MARK1: variants seen among roughly 807,000 people sequenced by gnomAD.
MARK1 encodes the protein microtubule affinity regulating kinase 1.
MARK1 carries 40 observed loss-of-function variants against 96.3 expected under a neutral mutation model. The ratio of observed to expected loss-of-function variants is 0.42; its 90% CI spans 0.32 to 0.54. MARK1 has a LOEUF of 0.54. Among genes scored for constraint, MARK1 ranks in the 20% least tolerant of loss-of-function variants. MARK1 has a pLI of 0.16. For missense variants in MARK1, 719 were observed against 984.6 expected (o/e 0.73, Z 3.61); for synonymous variants, 317 against 341.2 (o/e 0.93, Z 0.78).
At chr1:220,547,338 A>G (rs1661571085) in intron 1 of MARK1, among the ~76,000 whole-genome samples, 1 of 152,208 alleles carries the variant, frequency 6.6e-6, no homozygotes, top group African/African-American at 2.4e-5. Context: ...CAGTGCCCAA[A>G]TAACATCCTA....
At chr1:220,652,902 C>T (rs749725992) in intron 15 of MARK1, among the ~76,000 whole-genome samples, 199 bp from the exon 16 acceptor site, 1 of 152,116 alleles carries the variant, frequency 6.6e-6, no homozygotes, top group Non-Finnish European at 1.5e-5. Flanking sequence ...TCAGTCATTT[C>T]TTGATTTTTA....
intron 13 of MARK1, among the ~76,000 whole-genome samples, chr1:220,644,455 C>G (rs1265347741): frequency 7.0e-6 from 1 of 142,266 alleles, no homozygotes; most frequent in Non-Finnish European, 1.6e-5. Context: ...TTAGACCCCC[C>G]CCCCCCCACA....
chr1:220,573,243 T>C (rs1300798452), intron 1 of MARK1, among the ~76,000 whole-genome samples: 1 of 152,184 alleles, frequency 6.6e-6, no homozygotes, highest in African/African-American at 2.4e-5. Flanking sequence ...TATTTTCTTT[T>C]ATTCCTTCTC....
At chr1:220,547,174 T>A (rs1661560674) in intron 1 of MARK1, among the ~76,000 whole-genome samples, 1 of 152,194 alleles carries the variant, frequency 6.6e-6, no homozygotes, top group Admixed American at 6.5e-5. Flanking sequence ...ATTTATTAAC[T>A]GAATAGCACT....
chr1:220,640,100 T>C (rs1668188012), intron 13 of MARK1, among the ~76,000 whole-genome samples: 1 of 152,188 alleles, frequency 6.6e-6, no homozygotes, highest in Non-Finnish European at 1.5e-5. Flanking sequence ...AGAAAGTACT[T>C]GAGCATTTAC....
At chr1:220,636,827 C>T (rs1034903170) in intron 13 of MARK1, among the ~76,000 whole-genome samples, 4 of 151,404 alleles carry the variant, frequency 2.6e-5, no homozygotes, top group East Asian at 1.9e-4. Context: ...AGCTTGAACC[C>T]GGGAGGTGGA....
At chr1:220,571,306 A>T (rs1458031977) in intron 1 of MARK1, among the ~76,000 whole-genome samples, 1 of 152,192 alleles carries the variant, frequency 6.6e-6, no homozygotes, top group Admixed American at 6.5e-5. Flanking sequence ...GTTTCATAGA[A>T]CATGGTTTAA....
chr1:220,587,277 TTTCCTTCC>T (rs1012243945), intron 3 of MARK1, among the ~76,000 whole-genome samples: 6 of 150,618 alleles, frequency 4.0e-5, no homozygotes, highest in African/African-American at 9.8e-5. Context: ...TCCTTCCTTC[TTTCCTTCC>T]TTCCTTCCTT....
intron 5 of MARK1, among the ~76,000 whole-genome samples, chr1:220,600,871 T>C (rs190263440): frequency 4.0e-5 from 6 of 150,448 alleles, no homozygotes; most frequent in African/African-American, 1.5e-4. Context: ...ATTTATACTG[T>C]CTCGTATTTC....
intron 5 of MARK1, among the ~76,000 whole-genome samples, chr1:220,601,823 A>T (rs1338512876): frequency 6.6e-6 from 1 of 151,926 alleles, no homozygotes; most frequent in African/African-American, 2.4e-5. Flanking sequence ...GGCCTTCACC[A>T]CTCTCCTTCA....
At chr1:220,598,305 A>G in intron 3 of MARK1, 26 bp from the exon 4 acceptor site, 1 of 596,784 alleles carries the variant, frequency 1.7e-6, no homozygotes, top group South Asian at 1.5e-5. Context: ...TTTAACAGAA[A>G]TATATCTACC....
chr1:220,564,692 G>C (rs773695956), intron 1 of MARK1, among the ~76,000 whole-genome samples: 9 of 152,056 alleles, frequency 5.9e-5, no homozygotes, highest in Non-Finnish European at 1.2e-4. Flanking sequence ...TATGGAAACT[G>C]TTAGTTTTTC....
intron 3 of MARK1, among the ~76,000 whole-genome samples, chr1:220,595,013 GATA>G (rs1356254258): frequency 6.6e-6 from 1 of 152,100 alleles, no homozygotes; most frequent in Non-Finnish European, 1.5e-5. Flanking sequence ...AACTTCCAGT[GATA>G]ATGATGTGTA....
intron 1 of MARK1, among the ~76,000 whole-genome samples, chr1:220,540,109 AT>A (rs1661029145): frequency 6.6e-6 from 1 of 152,208 alleles, no homozygotes; most frequent in African/African-American, 2.4e-5. Flanking sequence ...TTGTAGGTTT[AT>A]TAGGGTTCTC....
intron 3 of MARK1, among the ~76,000 whole-genome samples, chr1:220,593,434 A>G (rs1195052587): frequency 1.3e-5 from 2 of 152,240 alleles, no homozygotes; most frequent in African/African-American, 4.8e-5. Context: ...TGGTTACATT[A>G]AAACCTAGAA....
At chr1:220,579,900 G>A (rs542470516) in intron 2 of MARK1, among the ~76,000 whole-genome samples, 1 of 152,246 alleles carries the variant, frequency 6.6e-6, no homozygotes, top group Admixed American at 6.5e-5. Context: ...CTTGATATAA[G>A]TTAGGTATAA....
At chr1:220,593,189 A>G (rs777144733) in intron 3 of MARK1, among the ~76,000 whole-genome samples, 12 of 152,164 alleles carry the variant, frequency 7.9e-5, no homozygotes, top group East Asian at 3.8e-4. Context: ...CAAAATAAGT[A>G]CTGTTTGTAT....
intron 1 of MARK1, among the ~76,000 whole-genome samples, chr1:220,545,128 C>G (rs1451916300): frequency 1.3e-5 from 2 of 152,178 alleles, no homozygotes; most frequent in African/African-American, 2.4e-5. Context: ...CCAAGTGGCT[C>G]TGTGGAAAGT....
At position 220,618,286 on chromosome 1, in the gene MARK1, T is replaced by C. The variant is rs751429652; in HGVS notation, c.553-24T>C. 9.3e-5 allele frequency: 130 copies of C among 1,398,552 alleles called. No individual in the cohort carries two copies. Among genetic ancestry groups the C allele is most frequent in the Non-Finnish European group, 1.3e-4 (125 of 987,060 alleles). The allele number at this position is 1,398,552 out of a possible 1,614,324, so 86.6% of individuals were successfully genotyped here. On this transcript the variant is annotated intron_variant, in intron 7 of 17. Coordinates refer to ENST00000366917, the MANE Select transcript of MARK1 (RefSeq NM_018650.5). This position sits in a 1 kb window ranked among gnomAD's most constrained non-coding sequence, Gnocchi z 4.6. ...TATTTTATGTAGGCTTTTTACATTG[T>C]TCTTTCTATTATTTTCCTCTTAGGC...
Sources: allele counts gnomAD v4.1 joint callset (sites outside exome capture counted in the v4.1 genomes callset), GRCh38; gene constraint gnomAD v4.1.1; non-coding constraint Gnocchi (gnomAD v3.1); transcripts MANE v1.5; gene names NCBI Gene and HGNC (gene_info 2026-07-23, HGNC 2026-07-21).